The following COL22A1 variants were observed in gnomAD, a reference collection of about 807,000 sequenced individuals.
COL22A1 encodes collagen type XXII alpha 1 chain.
Under a neutral mutation model 248.9 loss-of-function variants are expected in COL22A1, and 221 were observed. That is an observed-to-expected ratio of 0.89 (90% CI 0.80 to 0.99). The LOEUF (loss-of-function observed/expected upper bound fraction) is 0.99, where lower values mean the gene tolerates loss of function less well. COL22A1 is among the 50% of genes least tolerant of loss of function. The pLI, the probability that COL22A1 is intolerant of heterozygous loss-of-function variation, is 0.00. For missense variants in COL22A1, 2,240 were observed against 2,179.0 expected (o/e 1.03, Z -0.56); for synonymous variants, 891 against 793.4 (o/e 1.12, Z -2.07).
At chr8:138,669,219 T>C (rs1824794399) in intron 41 of COL22A1, among the ~76,000 whole-genome samples, 1 of 152,036 alleles carries the variant, frequency 6.6e-6, no homozygotes, top group Admixed American at 6.5e-5. Context: ...GCCAGGCACC[T>C]GGGGAGACCA....
At chr8:138,671,758 T>C (rs1587825927) in intron 41 of COL22A1, among the ~76,000 whole-genome samples, 1 of 152,352 alleles carries the variant, frequency 6.6e-6, no homozygotes. Context: ...TCTGCAGCTG[T>C]GGCTGCAGCC....
At position 138,706,887 on chromosome 8, in the gene COL22A1, C is replaced by G. The variant is rs191937079; in HGVS notation, c.2518-3540G>C. Among the ~76,000 whole-genome samples, 916 of 152,192 alleles carry G rather than the reference C, an allele frequency of 6.0e-3. 3 individuals carry two copies. The highest frequency in any genetic ancestry group is 0.01 in the Non-Finnish European group (707 of 68,030). On this transcript the variant is annotated intron_variant, in intron 30 of 64. Coordinates refer to ENST00000303045, the MANE Select transcript of COL22A1 (RefSeq NM_152888.3). ...ACAGATCAACAAAATTGATAGACCA[C>G]TAGCAAGACTAATAAAGAAGAGAAG...
At chr8:138,646,014 A>G (rs1587751122) in intron 47 of COL22A1, among the ~76,000 whole-genome samples, 2 of 152,220 alleles carry the variant, frequency 1.3e-5, no homozygotes. Context: ...TACTAACACC[A>G]CCAACAGCTC....
chr8:138,755,086 CTCTG>C, intron 21 of COL22A1, 67 bp downstream of exon 21: 1 of 1,483,574 alleles, frequency 6.7e-7, no homozygotes, highest in Non-Finnish European at 9.4e-7. Flanking sequence ...CCGGGAATGA[CTCTG>C]ATCTTCCAAA....
At chr8:138,727,512 G>T (rs1216034208) in intron 23 of COL22A1, among the ~76,000 whole-genome samples, 1 of 152,164 alleles carries the variant, frequency 6.6e-6, no homozygotes, top group African/African-American at 2.4e-5. Flanking sequence ...GCCAGAAGCC[G>T]AGAGCCTGGG....
intron 45 of COL22A1, among the ~76,000 whole-genome samples, chr8:138,652,589 T>G (rs1822838307): frequency 6.6e-6 from 1 of 152,100 alleles, no homozygotes; most frequent in Non-Finnish European, 1.5e-5. Context: ...TCTCCTACTT[T>G]AGGAGATTGT....
At chr8:138,735,297 T>C (rs1831021091) in intron 23 of COL22A1, among the ~76,000 whole-genome samples, 1 of 152,180 alleles carries the variant, frequency 6.6e-6, no homozygotes. Flanking sequence ...AGGTGGTACA[T>C]ACTGCAAATG....
intron 1 of COL22A1, among the ~76,000 whole-genome samples, chr8:138,907,289 T>A (rs1160518810): frequency 6.6e-6 from 1 of 152,236 alleles, no homozygotes; most frequent in Admixed American, 6.5e-5. Flanking sequence ...CAAGGGGAGC[T>A]TGTGGGAGGG....
At chr8:138,658,863 C>A (rs1279864323) in intron 44 of COL22A1, among the ~76,000 whole-genome samples, 1 of 128,298 alleles carries the variant, frequency 7.8e-6, no homozygotes, top group African/African-American at 3.8e-5. Context: ...GTTAATCTAA[C>A]AGATCTTCTC....
intron 52 of COL22A1, 58 bp from the exon 53 acceptor site, chr8:138,619,566 C>A: frequency 6.6e-7 from 1 of 1,519,722 alleles, no homozygotes; most frequent in South Asian, 1.1e-5. Flanking sequence ...TCTTCCTATT[C>A]CTGGCTCTCT....
intron 44 of COL22A1, among the ~76,000 whole-genome samples, chr8:138,657,364 T>A (rs557834907): frequency 2.0e-5 from 3 of 152,236 alleles, no homozygotes; most frequent in Non-Finnish European, 2.9e-5. Flanking sequence ...ATGGTTCAAA[T>A]TGGTATATTT....
At chr8:138,877,500 C>A (rs1236253658) in intron 3 of COL22A1, among the ~76,000 whole-genome samples, 1 of 152,120 alleles carries the variant, frequency 6.6e-6, no homozygotes, top group African/African-American at 2.4e-5. Flanking sequence ...TTGCCTCTGC[C>A]CGCGACCTCT....
chr8:138,662,556 G>A (rs1824064067), intron 42 of COL22A1, among the ~76,000 whole-genome samples: 2 of 152,128 alleles, frequency 1.3e-5, no homozygotes, highest in African/African-American at 4.8e-5. Context: ...GCAATTTTCT[G>A]GACAACATCA....
chr8:138,604,732 G>C lies in COL22A1; in HGVS notation c.4140+2C>G, dbSNP rs372510399. 3.3e-5 allele frequency: 53 copies of C among 1,612,654 alleles called. No homozygotes were observed. The highest frequency in any genetic ancestry group is 4.2e-5 in the Non-Finnish European group (50 of 1,179,354). ...AGGGGTGAGTGGGCGTGTGATACTT[G>C]CCTCCTTGCCTGGGACTCCTTTCTC... On this transcript the variant is annotated splice_donor_variant, in intron 59 of 64. Transcript: ENST00000303045. LOFTEE classifies it high-confidence loss of function.
chr8:138,699,784 C>A (rs139319354), intron 32 of COL22A1, among the ~76,000 whole-genome samples: 2 of 152,358 alleles, frequency 1.3e-5, no homozygotes, highest in African/African-American at 4.8e-5. Flanking sequence ...GTTCTGGCAT[C>A]TCAAATAATT....
chr8:138,910,110 A>C (rs976789236), intron 1 of COL22A1, among the ~76,000 whole-genome samples: 1 of 152,238 alleles, frequency 6.6e-6, no homozygotes, highest in African/African-American at 2.4e-5. Flanking sequence ...TGACTTTACT[A>C]AATAAGAAAG....
At chr8:138,679,517 T>C in intron 40 of COL22A1, 100 bp downstream of exon 40, 2 of 979,774 alleles carry the variant, frequency 2.0e-6, no homozygotes, top group Non-Finnish European at 3.3e-6. Flanking sequence ...AGCCTACTTA[T>C]CAACTAAGAC....
At chr8:138,841,508 A>C in intron 4 of COL22A1, among the ~76,000 whole-genome samples, 1 of 152,154 alleles carries the variant, frequency 6.6e-6, no homozygotes, top group Admixed American at 6.5e-5. Flanking sequence ...GACACACCAC[A>C]CAGAGGTAAT....
chr8:138,786,240 C>G (rs1815503115), intron 12 of COL22A1, among the ~76,000 whole-genome samples: 1 of 152,180 alleles, frequency 6.6e-6, no homozygotes, highest in South Asian at 2.1e-4. Context: ...TGTGGCCACC[C>G]TTACTGTGTA....
Sources: allele counts gnomAD v4.1 joint callset (sites outside exome capture counted in the v4.1 genomes callset), GRCh38; gene constraint gnomAD v4.1.1; transcripts MANE v1.5; gene names NCBI Gene and HGNC (gene_info 2026-07-23, HGNC 2026-07-21).